PIK3C2G: variants seen among roughly 807,000 people sequenced by gnomAD.
PIK3C2G encodes phosphatidylinositol 3-kinase C2 domain-containing subunit gamma.
PIK3C2G carries 168 observed loss-of-function variants against 181.1 expected under a neutral mutation model. The ratio of observed to expected loss-of-function variants is 0.93; its 90% confidence interval spans 0.82 to 1.05. The LOEUF (loss-of-function observed/expected upper bound fraction) is 1.05. Ranked by LOEUF, PIK3C2G falls within the 50% of genes least tolerant of loss-of-function variation. The pLI, the probability that PIK3C2G is intolerant of heterozygous loss-of-function variation, is 0.00. For synonymous variants in PIK3C2G, 573 were observed against 592.2 expected (o/e 0.97, Z 0.47); for missense variants, 1,869 against 1,732.8 (o/e 1.08, Z -1.40).
chr12:18,477,249 A>C (rs897815413), intron 18 of PIK3C2G, among the ~76,000 whole-genome samples: 13 of 152,056 alleles, frequency 8.5e-5, no homozygotes, highest in Non-Finnish European at 2.9e-5. Flanking sequence ...TTGGCATATG[A>C]GTTTTGGGAG....
intron 25 of PIK3C2G, among the ~76,000 whole-genome samples, chr12:18,541,194 C>G (rs1015170921): frequency 1.3e-5 from 2 of 151,872 alleles, no homozygotes; most frequent in Non-Finnish European, 2.9e-5. Flanking sequence ...TGATCAGTCC[C>G]CAGGATTATG....
intron 11 of PIK3C2G, among the ~76,000 whole-genome samples, chr12:18,357,329 C>G (rs940021126): frequency 6.6e-6 from 1 of 151,870 alleles, no homozygotes; most frequent in Admixed American, 6.6e-5. Context: ...TGTTGGAAAG[C>G]TCATCAGATA....
At chr12:18,724,724 A>G in the PIK3C2G span, among the ~76,000 whole-genome samples, 3 of 152,102 alleles carry the variant, frequency 2.0e-5, no homozygotes, top group Non-Finnish European at 4.4e-5. Flanking sequence ...GTGGAAGCGG[A>G]TGTTATAGAA....
At chr12:18,352,174 C>T (rs1940280687) in intron 11 of PIK3C2G, among the ~76,000 whole-genome samples, 1 of 152,148 alleles carries the variant, frequency 6.6e-6, no homozygotes, top group Non-Finnish European at 1.5e-5. Context: ...CACTATCATA[C>T]CCATTTTGCA....
chr12:18,562,675 C>T (rs1288687706), intron 26 of PIK3C2G, 28 bp from the exon 27 acceptor site: 3 of 1,347,860 alleles, frequency 2.2e-6, no homozygotes, highest in Non-Finnish European at 3.1e-6. Flanking sequence ...GAGTGTCACT[C>T]ACTATCTTTT....
intron 16 of PIK3C2G, among the ~76,000 whole-genome samples, chr12:18,409,025 T>C (rs1944705099): frequency 6.6e-6 from 1 of 152,206 alleles, no homozygotes; most frequent in South Asian, 2.1e-4. Context: ...AAATACCATT[T>C]GACCCAGCAA....
At chr12:18,313,581 C>T (rs1950729115) in intron 5 of PIK3C2G, among the ~76,000 whole-genome samples, 1 of 152,028 alleles carries the variant, frequency 6.6e-6, no homozygotes. Flanking sequence ...AGCATGCTGT[C>T]ATCAGCTTTG....
At chr12:18,480,818 C>T (rs1409661044) in intron 18 of PIK3C2G, among the ~76,000 whole-genome samples, 2 of 152,194 alleles carry the variant, frequency 1.3e-5, no homozygotes, top group African/African-American at 4.8e-5. Flanking sequence ...GGCACACTGC[C>T]TATGGGTAGC....
intron 18 of PIK3C2G, among the ~76,000 whole-genome samples, chr12:18,473,617 T>C (rs1938670462): frequency 6.6e-6 from 1 of 152,172 alleles, no homozygotes; most frequent in Non-Finnish European, 1.5e-5. Flanking sequence ...CTAAGAAAAA[T>C]GCTCAGCTAT....
At chr12:18,270,255 GTTA>G (rs1315643447) in intron 1 of PIK3C2G, among the ~76,000 whole-genome samples, 1 of 152,088 alleles carries the variant, frequency 6.6e-6, no homozygotes, top group Non-Finnish European at 1.5e-5. Context: ...ATGGAAGGCA[GTTA>G]TTAATATCTC....
chr12:18,292,486 G>T (rs2053178553), intron 4 of PIK3C2G, among the ~76,000 whole-genome samples: 1 of 151,656 alleles, frequency 6.6e-6, no homozygotes, highest in Admixed American at 6.6e-5. Context: ...ATCTCTATGG[G>T]ATCCAGCTCC....
chr12:18,538,443 G>A lies in PIK3C2G; in HGVS notation c.3480+131G>A, dbSNP rs138842210. 3,201 of 680,070 alleles carry A rather than the reference G, an allele frequency of 4.7e-3. 16 individuals are homozygous for A. Among genetic ancestry groups the A allele is most frequent in the Non-Finnish European group, 6.1e-3 (2,486 of 410,116 alleles). 42.1% of individuals were successfully genotyped at this position (680,070 alleles called of 1,614,324 possible). ...GAAGAGAAAGGAATGAGAAAACTAA[G>A]AGTACCATTGTACAGCTTATAAACG... On this transcript the variant is annotated intron_variant, in intron 25 of 32. Transcript: ENST00000538779.
chr12:18,670,552 G>A, the PIK3C2G span, among the ~76,000 whole-genome samples: 1 of 152,038 alleles, frequency 6.6e-6, no homozygotes, highest in Non-Finnish European at 1.5e-5. Context: ...AAATCTCCAG[G>A]GATTGATATG....
Position 18,639,920 on chromosome 12 carries a change from T to A in PIK3C2G, c.4183-509T>A, listed in dbSNP as rs182544185. 4.7e-3 allele frequency among the ~76,000 whole-genome samples: 709 copies of A among 152,070 alleles called. 4 individuals carry two copies. The highest frequency in any genetic ancestry group is 8.0e-3 in the Non-Finnish European group (545 of 67,996). On this transcript the variant is annotated intron_variant, in intron 31 of 32. Transcript: ENST00000538779. Reference sequence around the variant, plus strand: ...TATAATCATTTTTAAATCTTGTAGGTATATTAAAGTTATAGCTCTAATTAA... The same window carrying A: ...TATAATCATTTTTAAATCTTGTAGGAATATTAAAGTTATAGCTCTAATTAA...
chr12:18,476,602 T>C (rs971519195), intron 18 of PIK3C2G, among the ~76,000 whole-genome samples: 19 of 151,974 alleles, frequency 1.3e-4, no homozygotes, highest in Non-Finnish European at 7.4e-5. Flanking sequence ...AAGAAGAAAC[T>C]AGATTTGAGA....
At chr12:18,446,207 T>C (rs1488992571) in intron 18 of PIK3C2G, among the ~76,000 whole-genome samples, 1 of 152,142 alleles carries the variant, frequency 6.6e-6, no homozygotes, top group Non-Finnish European at 1.5e-5. Context: ...AACTTGAAGA[T>C]GATCTTGCCA....
At chr12:18,354,812 A>T (rs1320345382) in intron 11 of PIK3C2G, among the ~76,000 whole-genome samples, 1 of 152,224 alleles carries the variant, frequency 6.6e-6, no homozygotes, top group African/African-American at 2.4e-5. Flanking sequence ...GGAAATAGGT[A>T]TCCCTCATTT....
intron 24 of PIK3C2G, among the ~76,000 whole-genome samples, chr12:18,513,742 CA>C (rs1228765680): frequency 6.6e-6 from 1 of 151,670 alleles, no homozygotes; most frequent in African/African-American, 2.4e-5. Context: ...CAGTTTATTA[CA>C]AAATGCAAAC....
At chr12:18,577,420 G>A (rs557428524) in intron 29 of PIK3C2G, among the ~76,000 whole-genome samples, 1 of 152,220 alleles carries the variant, frequency 6.6e-6, no homozygotes, top group Non-Finnish European at 1.5e-5. Context: ...AGATGTTTTC[G>A]TCTTGTTTTG....
Sources: gnomAD v4.1 joint callset for allele counts (sites outside exome capture counted in the v4.1 genomes callset) on GRCh38, gnomAD v4.1.1 for gene constraint, MANE v1.5 for transcripts, NCBI Gene and HGNC (gene_info 2026-07-23, HGNC 2026-07-21) for gene names.